The following ADCY9 variants were observed in gnomAD, a reference collection of about 807,000 sequenced individuals.
The protein encoded by ADCY9 is adenylate cyclase type 9.
Under a neutral mutation model 101.5 loss-of-function variants are expected in ADCY9, and 50 were observed. The ratio of observed to expected loss-of-function variants is 0.49; its 90% confidence interval spans 0.39 to 0.62. The LOEUF is 0.62. Ranked by LOEUF, ADCY9 falls within the 20% of genes least tolerant of loss-of-function variation. The pLI, the probability that ADCY9 is intolerant of heterozygous loss-of-function variation, is 0.00. For synonymous variants in ADCY9, 905 were observed against 769.3 expected (o/e 1.18, Z -2.92); for missense variants, 1,662 against 1,800.4 (o/e 0.92, Z 1.39).
intron 2 of ADCY9, among the ~76,000 whole-genome samples, chr16:4,040,697 T>C (rs1455816165): frequency 6.6e-6 from 1 of 152,194 alleles, no homozygotes; most frequent in African/African-American, 2.4e-5. Flanking sequence ...CCTCAGGTGA[T>C]CCACCCGCCT....
chr16:4,009,595 T>C (rs1740754119), intron 2 of ADCY9, among the ~76,000 whole-genome samples: 1 of 152,202 alleles, frequency 6.6e-6, no homozygotes, highest in African/African-American at 2.4e-5. Flanking sequence ...TCCTGAACTT[T>C]TGTGCATTTT....
chr16:4,074,755 C>G (rs2056856859), intron 2 of ADCY9, among the ~76,000 whole-genome samples: 1 of 147,614 alleles, frequency 6.8e-6, no homozygotes, highest in Non-Finnish European at 1.5e-5. Context: ...AGCAAATTGT[C>G]TACAAAGTGG....
At chr16:4,087,543 T>TAAAAAAAAAAAAAA (rs55706713) in intron 2 of ADCY9, among the ~76,000 whole-genome samples, 1 of 118,192 alleles carries the variant, frequency 8.5e-6, no homozygotes, top group Non-Finnish European at 1.8e-5. Context: ...CTCAAAAAGA[T>TAAAAAAAAAAAAAA]AAAAAAAAAA....
chr16:4,071,366 C>CAAAAAAAAAAAAAAAAAAA (rs1004438307), intron 2 of ADCY9, among the ~76,000 whole-genome samples: 5 of 89,248 alleles, frequency 5.6e-5, no homozygotes, highest in East Asian at 3.9e-4. Flanking sequence ...AAAAAAAAAT[C>CAAAAAAAAAAAAAAAAAAA]AAAAAAGTTG....
At chr16:4,044,588 T>C (rs2056649856) in intron 2 of ADCY9, among the ~76,000 whole-genome samples, 1 of 152,116 alleles carries the variant, frequency 6.6e-6, no homozygotes, top group South Asian at 2.1e-4. Flanking sequence ...GAAACCTCGG[T>C]TTAATATTAA....
intron 10 of ADCY9, 59 bp downstream of exon 10, chr16:3,974,610 G>A (rs2056078614): frequency 1.4e-6 from 2 of 1,404,924 alleles, no homozygotes; most frequent in Non-Finnish European, 2.0e-6. Context: ...CTTCGAAATG[G>A]GCAGGGTAAT....
Position 4,113,884 on chromosome 16 carries a change from A to T in ADCY9, c.1559T>A (p.Met520Lys). The part of the protein sequence containing the change: ...WSNDVNLANL[M>K]EQLGVAGKVH... ...TTTGCCGGCCACTCCCAGCTGCTCCATGAGATTGGCCAGGTTCACATCGTT... is the reference window on the plus strand; with the variant it reads ...TTTGCCGGCCACTCCCAGCTGCTCCTTGAGATTGGCCAGGTTCACATCGTT... Residue 520 changes from methionine to lysine, a missense_variant, in exon 2 of 11, where the codon ATG becomes AAG. By Grantham distance (95) the Met-to-Lys change is moderately conservative (BLOSUM62 -1). Coordinates refer to ENST00000294016, the MANE Select transcript of ADCY9 (RefSeq NM_001116.4). The T allele has an allele frequency of 6.2e-7, 1 of 1,614,154 alleles. No individual in the cohort carries two copies. The highest frequency in any genetic ancestry group is 8.5e-7 in the Non-Finnish European group (1 of 1,180,020).
chr16:3,954,896 G>A (rs2055899413), intron 5 of ADCY9, among the ~76,000 whole-genome samples: 1 of 152,192 alleles, frequency 6.6e-6, no homozygotes, highest in Non-Finnish European at 1.5e-5. Flanking sequence ...GGCTGAGGGG[G>A]ACACGCCTAC....
rs2056460891 is a variant in ADCY9 at position 4,019,534 on chromosome 16, G to A, written c.1694-11976C>T. On this transcript the variant is annotated intron_variant, in intron 2 of 10. Transcript: ENST00000294016. Reference sequence around the variant, plus strand: ...AGGAGGGGACAAAGGCTGGGTCCCCGGCCATCAACAAACGGAGAGCTAGCT... The same window carrying A: ...AGGAGGGGACAAAGGCTGGGTCCCCAGCCATCAACAAACGGAGAGCTAGCT... Among the ~76,000 whole-genome samples, 3 of 152,182 alleles carry A rather than the reference G, an allele frequency of 2.0e-5. No individual in the cohort carries two copies. In the South Asian group the frequency reaches 6.2e-4, roughly 32 times the overall value.
chr16:4,064,021 C>A (rs1254971903), intron 2 of ADCY9, among the ~76,000 whole-genome samples: 2 of 152,096 alleles, frequency 1.3e-5, no homozygotes, highest in African/African-American at 4.8e-5. Flanking sequence ...TATTCACTAG[C>A]TCTATATATA....
At chr16:4,014,456 G>C (rs1015397242) in intron 2 of ADCY9, among the ~76,000 whole-genome samples, 3 of 149,588 alleles carry the variant, frequency 2.0e-5, no homozygotes, top group Non-Finnish European at 4.5e-5. Flanking sequence ...AAATTTTTTT[G>C]TTTTTTTTTG....
chr16:4,070,091 C>CT (rs2056824323), intron 2 of ADCY9, among the ~76,000 whole-genome samples: 1 of 148,900 alleles, frequency 6.7e-6, no homozygotes, highest in Non-Finnish European at 1.5e-5. Context: ...GAGTGAGACT[C>CT]TGTCTCAAAA....
chr16:4,074,608 T>C (rs1304007198), intron 2 of ADCY9, among the ~76,000 whole-genome samples: 1 of 151,116 alleles, frequency 6.6e-6, no homozygotes, highest in Non-Finnish European at 1.5e-5. Flanking sequence ...TCCCAGCTAC[T>C]TGGGCGACAG....
At chr16:4,070,075 G>A (rs12598529) in intron 2 of ADCY9, among the ~76,000 whole-genome samples, 89,659 of 151,896 alleles carry the variant, frequency 0.59, 26,729 homozygotes, top group South Asian at 0.68. Context: ...TCCAGCCTCG[G>A]CAACAGAGTG....
intron 10 of ADCY9, among the ~76,000 whole-genome samples, chr16:3,972,322 C>T (rs71388550): frequency 2.0e-5 from 3 of 151,836 alleles, no homozygotes; most frequent in South Asian, 2.1e-4. Context: ...CTCTGCCTCC[C>T]GGGTTCTAGC....
chr16:4,028,711 T>C (rs2056534087), intron 2 of ADCY9, among the ~76,000 whole-genome samples: 1 of 152,198 alleles, frequency 6.6e-6, no homozygotes, highest in Non-Finnish European at 1.5e-5. Context: ...CAGCTGAGCT[T>C]CATAGTGTGC....
chr16:3,989,415 G>A (rs1011162268), intron 5 of ADCY9, among the ~76,000 whole-genome samples: 39 of 151,496 alleles, frequency 2.6e-4, no homozygotes, highest in African/African-American at 7.8e-4. Flanking sequence ...TCACTCTGTC[G>A]CCCAGGCTGG....
intron 2 of ADCY9, among the ~76,000 whole-genome samples, chr16:4,104,076 G>C (rs1023102089): frequency 6.6e-6 from 1 of 152,220 alleles, no homozygotes; most frequent in African/African-American, 2.4e-5. Context: ...GTGACCTACA[G>C]ACAAACCACG....
At chr16:4,036,468 T>TG (rs2056590774) in intron 2 of ADCY9, among the ~76,000 whole-genome samples, 4 of 138,226 alleles carry the variant, frequency 2.9e-5, no homozygotes, top group South Asian at 4.8e-4. Context: ...GTTTGTTTTT[T>TG]TTTTTTTTTT....
Sources: allele counts gnomAD v4.1 joint callset (sites outside exome capture counted in the v4.1 genomes callset), GRCh38; gene constraint gnomAD v4.1.1; transcripts MANE v1.5; gene names NCBI Gene and HGNC (gene_info 2026-07-23, HGNC 2026-07-21).